The following OTUD7B variants were observed in gnomAD, a reference collection of about 807,000 sequenced individuals.
The protein encoded by OTUD7B is OTU domain-containing protein 7B.
In OTUD7B, 34 loss-of-function variants were observed where a neutral mutation model predicts 82.2. The ratio of observed to expected loss-of-function variants is 0.41; its 90% CI spans 0.31 to 0.55. The LOEUF (loss-of-function observed/expected upper bound fraction) is 0.55, where lower values mean the gene tolerates loss of function less well. OTUD7B is among the 20% of genes least tolerant of loss of function. OTUD7B has a pLI of 0.20. For synonymous variants in OTUD7B, 398 were observed against 402.7 expected (o/e 0.99, Z 0.14); for missense variants, 944 against 1,062.1 (o/e 0.89, Z 1.55).
In OTUD7B at chr1:149,944,258, G is replaced by A. The variant is rs1647505538; in HGVS notation, c.2131C>T (p.Pro711Ser). 4 of 1,611,542 alleles carry A rather than the reference G, an allele frequency of 2.5e-6. No homozygotes were observed. The highest frequency in any genetic ancestry group is 3.4e-6 in the Non-Finnish European group (4 of 1,178,448). ...GGACCCCCTGCCAACTGCCTCCGGG[G>A]TTCCTGGCAGTGGACTCCGCCCCCA... ...PSGGGVHCQE[P>S]RRQLAGGPCV... is the part of the protein sequence containing the mutation. The change falls in exon 12 of 12, where the codon CCC (proline) becomes TCC (serine). Residue 711 changes from proline (P) to serine (S), a missense_variant. Pro to Ser is a moderately conservative substitution (Grantham distance 74, BLOSUM62 -1). Around this residue, in one of 3 missense-constraint regions of OTUD7B, gnomAD observed 412 missense variants for 418.7 expected, o/e 0.98. Coordinates refer to ENST00000581312, the MANE Select transcript of OTUD7B (RefSeq NM_020205.4).
rs1647503953 is a variant in OTUD7B at position 149,944,246 on chromosome 1, A to C, written c.2143T>G (p.Leu715Val). 1.2e-6 allele frequency: 2 copies of C among 1,612,410 alleles called. No individual in the cohort carries two copies. Among genetic ancestry groups the C allele is most frequent in the Non-Finnish European group, 1.7e-6 (2 of 1,178,968 alleles). ...GVHCQEPRRQ[L>V]AGGPCVGGLP... ...CCCCCGACACATGGACCCCCTGCCA[A>C]CTGCCTCCGGGGTTCCTGGCAGTGG... is the stretch of plus-strand genomic sequence containing the variant. The change falls in exon 12 of 12, where the codon TTG becomes GTG. Residue 715 changes from leucine to valine, a missense_variant. Around this residue, in one of 3 missense-constraint regions of OTUD7B, gnomAD observed 412 missense variants for 418.7 expected, o/e 0.98. Transcript: ENST00000581312.
the OTUD7B span, among the ~76,000 whole-genome samples, chr1:150,019,884 C>A: frequency 6.6e-6 from 1 of 151,938 alleles, no homozygotes; most frequent in Non-Finnish European, 1.5e-5. Flanking sequence ...CGCCTGTAAT[C>A]CCAATACTTT....
chr1:149,974,120 A>G (rs1178783840), intron 2 of OTUD7B, among the ~76,000 whole-genome samples: 1 of 152,074 alleles, frequency 6.6e-6, no homozygotes, highest in East Asian at 1.9e-4. Flanking sequence ...GCTGAAGTGC[A>G]GTGGTGCAAT....
chr1:149,972,831 CA>C (rs1431118695), intron 2 of OTUD7B, among the ~76,000 whole-genome samples: 9 of 152,172 alleles, frequency 5.9e-5, no homozygotes, highest in African/African-American at 2.2e-4. Flanking sequence ...CAACTGTCTG[CA>C]AATCTCCTTA....
chr1:150,020,662 G>A, the OTUD7B span, among the ~76,000 whole-genome samples: 1 of 152,192 alleles, frequency 6.6e-6, no homozygotes, highest in Admixed American at 6.5e-5. Flanking sequence ...CTTGAGACTA[G>A]AGACTATTAA....
rs1553782342 is a variant in OTUD7B, at chr1:149,992,476, T to TG, written c.-66-14901_-66-14900insC. On this transcript the variant is annotated intron_variant, in intron 1 of 11. Coordinates refer to ENST00000581312, the MANE Select transcript of OTUD7B (RefSeq NM_020205.4). Reference sequence around the variant, plus strand: ...TGTTTTGTGTGCATGTGTTTTTTTTTTTTTTTTTTTTTTTTTTAGTACAGA... The same window carrying TG: ...TGTTTTGTGTGCATGTGTTTTTTTTTGTTTTTTTTTTTTTTTTTAGTACAGA... Among the ~76,000 whole-genome samples the TG allele has an allele frequency of 3.2e-3, 5 of 1,576 alleles. No homozygotes were observed. In the Non-Finnish European group the frequency reaches 0.071, roughly 23 times the overall value. 1.0% of individuals were successfully genotyped at this position (1,576 alleles called of 152,430 possible).
chr1:149,969,620 T>C (rs951475124), intron 3 of OTUD7B, among the ~76,000 whole-genome samples: 5 of 152,180 alleles, frequency 3.3e-5, no homozygotes, highest in Admixed American at 1.3e-4. Flanking sequence ...TAAAAATGCA[T>C]GTACAGCTTT....
chr1:149,974,398 A>G (rs782395148), intron 2 of OTUD7B, among the ~76,000 whole-genome samples: 4 of 152,134 alleles, frequency 2.6e-5, no homozygotes, highest in Non-Finnish European at 4.4e-5. Flanking sequence ...GTACATTGTT[A>G]AAAACTCAAA....
the OTUD7B span, among the ~76,000 whole-genome samples, chr1:150,039,047 C>T: frequency 3.9e-5 from 6 of 152,238 alleles, no homozygotes; most frequent in East Asian, 9.6e-4. Context: ...TTGATACATT[C>T]TACTCTATTC....
the OTUD7B span, among the ~76,000 whole-genome samples, chr1:150,051,450 T>C: frequency 1.3e-5 from 2 of 152,066 alleles, no homozygotes; most frequent in South Asian, 4.1e-4. Flanking sequence ...AACTCTGTAC[T>C]TTATTTAACA....
intron 6 of OTUD7B, 37 bp from the exon 7 acceptor site, chr1:149,959,833 G>A (rs1553775316): frequency 7.2e-7 from 1 of 1,396,164 alleles, no homozygotes; most frequent in Non-Finnish European, 1.0e-6. Context: ...TGGGCAATTA[G>A]AGGCTGGGTT....
At chr1:150,028,452 C>G in the OTUD7B span, among the ~76,000 whole-genome samples, 1 of 152,090 alleles carries the variant, frequency 6.6e-6, no homozygotes, top group African/African-American at 2.4e-5. Flanking sequence ...AAATGTACTA[C>G]AGTATCTTAG....
chr1:149,972,468 A>G (rs1650006229), intron 2 of OTUD7B, among the ~76,000 whole-genome samples: 1 of 152,100 alleles, frequency 6.6e-6, no homozygotes, highest in African/African-American at 2.4e-5. Flanking sequence ...CCACACAGAC[A>G]ACTCCTCATT....
intron 1 of OTUD7B, among the ~76,000 whole-genome samples, chr1:150,006,395 T>C (rs1286410018): frequency 6.6e-6 from 1 of 152,174 alleles, no homozygotes; most frequent in African/African-American, 2.4e-5. Context: ...AGGCAGAGCT[T>C]GCAGTAAGCT....
At position 149,944,333 on chromosome 1, in the gene OTUD7B, T is replaced by C. The variant is rs1647517239; in HGVS notation, c.2056A>G (p.Met686Val). 1.9e-6 allele frequency: 3 copies of C among 1,611,846 alleles called. No homozygotes were observed. Among genetic ancestry groups the C allele is most frequent in the Non-Finnish European group, 2.5e-6 (3 of 1,178,542 alleles). Residue 686 changes from methionine to valine, a missense_variant, in exon 12 of 12, where the codon ATG becomes GTG. Physicochemically the swap from Met to Val is conservative, Grantham distance 21 (BLOSUM62 1). Around this residue, in one of 3 missense-constraint regions of OTUD7B, gnomAD observed 412 missense variants for 418.7 expected, o/e 0.98. Transcript: ENST00000581312. ...CCAGGGTAGCCAGTGGAAAATGCCA[T>C]TGCCCTGGACTCTGCTGGGGGACCG... ...PTGPPAESRA[M>V]AFSTGYPGDF... is the part of the protein sequence containing the mutation.
At chr1:150,021,987 T>TTC in the OTUD7B span, among the ~76,000 whole-genome samples, 404 of 152,272 alleles carry the variant, frequency 2.7e-3, 2 homozygotes, top group African/African-American at 9.3e-3. Context: ...AACTCTCCCT[T>TTC]TCTCTCTCTC....
At chr1:150,058,768 A>C in the OTUD7B span, among the ~76,000 whole-genome samples, 1 of 152,166 alleles carries the variant, frequency 6.6e-6, no homozygotes, top group Non-Finnish European at 1.5e-5. Context: ...TTGGTGGTTT[A>C]AGTAGCTTGG....
chr1:149,949,068 G>A lies in OTUD7B; in HGVS notation c.1139C>T (p.Thr380Ile), dbSNP rs782600554. Residue 380 changes from threonine to isoleucine, a missense_variant, in exon 10 of 12, where the codon ACA becomes ATA. Transcript: ENST00000581312. ...GGGCAGCAGCTTATACTCTGAATCT[G>A]TAAGTGGGATCACAGCTGGAGAGGA... The part of the protein sequence containing the change: ...NTKEQAVIPL[T>I]DSEYKLLPLH... 8.7e-6 allele frequency: 14 copies of A among 1,610,212 alleles called. No homozygotes were observed. Among genetic ancestry groups the A allele is most frequent in the African/African-American group, 1.3e-5 (1 of 74,840 alleles).
rs1553769549 is a variant in OTUD7B, at chr1:149,937,917, C to G, written c.*5940G>C. The G allele has an allele frequency of 1.3e-5, 2 of 152,170 alleles. No individual in the cohort carries two copies. The highest frequency in any genetic ancestry group is 1.3e-4 in the Admixed American group (2 of 15,268). 9.4% of individuals were successfully genotyped at this position (152,170 alleles called of 1,614,324 possible). ...AGTGACACTCAATTTTCCCCTCCCC[C>G]CAGTACACCACCCTTCTGGCCTCAG... is the stretch of plus-strand genomic sequence containing the variant. On this transcript the variant is annotated 3_prime_UTR_variant, in exon 12 of 12. Coordinates refer to ENST00000581312, the MANE Select transcript of OTUD7B (RefSeq NM_020205.4).
Sources: gnomAD v4.1 joint callset for allele counts (sites outside exome capture counted in the v4.1 genomes callset) on GRCh38, gnomAD v4.1.1 for gene constraint, gnomAD v4.1.1 regional missense constraint, MANE v1.5 for transcripts, NCBI Gene and HGNC (gene_info 2026-07-23, HGNC 2026-07-21) for gene names.